ENPP3: variants seen among roughly 807,000 people sequenced by gnomAD.
ENPP3 encodes ectonucleotide pyrophosphatase/phosphodiesterase family member 3.
In ENPP3, 104 loss-of-function variants were observed where a neutral mutation model predicts 117.8. The ratio of observed to expected loss-of-function variants is 0.88; its 90% CI spans 0.75 to 1.04. The LOEUF is 1.04. Among genes scored for constraint, ENPP3 ranks in the 50% least tolerant of loss-of-function variants. The pLI is 0.00. For synonymous variants in ENPP3, 380 were observed against 349.9 expected (o/e 1.09, Z -0.96); for missense variants, 1,026 against 1,051.9 (o/e 0.98, Z 0.34).
chr6:131,644,044 G>A (rs1410832194), intron 2 of ENPP3, among the ~76,000 whole-genome samples: 1 of 151,870 alleles, frequency 6.6e-6, no homozygotes, highest in African/African-American at 2.4e-5. Flanking sequence ...AACATTCCAG[G>A]TCAGAAGGAC....
chr6:131,722,525 T>TCC, intron 18 of ENPP3, 120 bp downstream of exon 18: 1 of 737,310 alleles, frequency 1.4e-6, no homozygotes, highest in South Asian at 1.8e-5. Flanking sequence ...ATTTACTTAG[T>TCC]AAATATATGT....
chr6:131,678,919 T>TTCTTTCTC (rs1778935167), intron 11 of ENPP3, among the ~76,000 whole-genome samples: 1 of 62,232 alleles, frequency 1.6e-5, no homozygotes, highest in Non-Finnish European at 2.7e-5. Context: ...CTTTCTTTCT[T>TTCTTTCTC]TCTTTCTTTC....
At chr6:131,679,816 C>A (rs540959911) in intron 11 of ENPP3, among the ~76,000 whole-genome samples, 3 of 152,244 alleles carry the variant, frequency 2.0e-5, no homozygotes, top group Admixed American at 2.0e-4. Flanking sequence ...AAGTAGACAG[C>A]GTGATCATGG....
chr6:131,746,477 T>A (rs907642746), intron 24 of ENPP3, among the ~76,000 whole-genome samples: 2 of 152,170 alleles, frequency 1.3e-5, no homozygotes, highest in Non-Finnish European at 2.9e-5. Flanking sequence ...GATATAAAGA[T>A]GTTTAGTTCT....
chr6:131,703,532 T>C (rs1779583015), intron 15 of ENPP3, among the ~76,000 whole-genome samples: 1 of 136,644 alleles, frequency 7.3e-6, no homozygotes, highest in African/African-American at 3.2e-5. Context: ...AATGTACTTT[T>C]GCATGATATT....
intron 14 of ENPP3, among the ~76,000 whole-genome samples, chr6:131,688,472 CAGTT>C (rs1431721969): frequency 4.6e-5 from 7 of 152,194 alleles, no homozygotes; most frequent in Non-Finnish European, 8.8e-5. Flanking sequence ...TTGCATCAAA[CAGTT>C]AGCCAAATTG....
chr6:131,675,677 T>C (rs1382425287), intron 9 of ENPP3, among the ~76,000 whole-genome samples: 1 of 151,626 alleles, frequency 6.6e-6, no homozygotes. Context: ...GAAGAAAAAA[T>C]ACAAAAATTA....
intron 14 of ENPP3, among the ~76,000 whole-genome samples, chr6:131,690,985 A>C (rs2114443302): frequency 6.6e-6 from 1 of 152,206 alleles, no homozygotes; most frequent in Middle Eastern, 3.4e-3. Flanking sequence ...TTGGTGAAGA[A>C]GGGCAAATCT....
At chr6:131,713,779 T>A (rs1011149570) in intron 15 of ENPP3, among the ~76,000 whole-genome samples, 39 of 152,258 alleles carry the variant, frequency 2.6e-4, no homozygotes, top group South Asian at 8.3e-4. Flanking sequence ...ATGCTTTTTT[T>A]AAAAAAATAT....
At chr6:131,738,591 G>T (rs1303188273) in intron 23 of ENPP3, among the ~76,000 whole-genome samples, 1 of 151,932 alleles carries the variant, frequency 6.6e-6, no homozygotes. Flanking sequence ...TACAAGAATA[G>T]TGAACAGTTC....
chr6:131,683,895 C>T (rs780741976), intron 12 of ENPP3, among the ~76,000 whole-genome samples: 39 of 152,006 alleles, frequency 2.6e-4, no homozygotes, highest in Middle Eastern at 3.4e-3. Context: ...GGGTTACAGG[C>T]GCCCACCACC....
chr6:131,677,859 T>G lies in ENPP3; in HGVS notation c.939-9T>G, dbSNP rs760756680. ...TGATAATATATTTCTGTTTCAATTT[T>G]ACCCCTAGACCCAGGTTTTATACCA... On this transcript the variant is annotated splice_polypyrimidine_tract_variant and intron_variant, in intron 10 of 24. Coordinates refer to ENST00000357639, the MANE Select transcript of ENPP3 (RefSeq NM_005021.5). 5.1e-6 allele frequency: 8 copies of G among 1,576,080 alleles called. No individual in the cohort carries two copies. The South Asian group carries it at 8.9e-5, about 18-fold the overall frequency.
intron 5 of ENPP3, among the ~76,000 whole-genome samples, chr6:131,657,786 A>G (rs1040504067): frequency 2.0e-5 from 3 of 152,170 alleles, no homozygotes; most frequent in African/African-American, 7.2e-5. Context: ...CTGTTTCTTC[A>G]TCTGGGTGAT....
chr6:131,737,429 AG>A lies in ENPP3; in HGVS notation c.2165del (p.Arg722LysfsTer13), dbSNP rs762459710. On this transcript the variant is annotated frameshift_variant and splice_region_variant, in exon 22 of 25. Transcript: ENST00000357639. LOFTEE classifies it high-confidence loss of function. The stretch of plus-strand genomic sequence containing the variant: ...TTTGGTACCTATGTATGAAGAATTC[AG>A]AAGTAAGTATGAATTTAGAGTATTA... ...SNLVPMYEEF[R>X]KMWDYFHSVL... The A allele has an allele frequency of 1.3e-6, 2 of 1,524,346 alleles. No individual in the cohort carries two copies. The highest frequency in any genetic ancestry group is 1.8e-6 in the Non-Finnish European group (2 of 1,100,850). 94.4% of individuals were successfully genotyped at this position (1,524,346 alleles called of 1,614,324 possible). A position where few individuals can be genotyped will look rare whatever the true frequency, so the allele number is the denominator to read the frequency against.
At chr6:131,679,854 A>T (rs1286535982) in intron 11 of ENPP3, among the ~76,000 whole-genome samples, 1 of 152,132 alleles carries the variant, frequency 6.6e-6, no homozygotes, top group Non-Finnish European at 1.5e-5. Context: ...GCTCACCCTT[A>T]TTTGTGTTCT....
intron 15 of ENPP3, among the ~76,000 whole-genome samples, chr6:131,716,145 G>A (rs1779883606): frequency 6.6e-6 from 1 of 152,196 alleles, no homozygotes; most frequent in Admixed American, 6.5e-5. Context: ...TAGACATGGG[G>A]AAGATAATGG....
At chr6:131,737,900 A>T (rs193093070) in intron 22 of ENPP3, 131 bp from the exon 23 acceptor site, 16 of 616,458 alleles carry the variant, frequency 2.6e-5, no homozygotes, top group African/African-American at 2.1e-4. Flanking sequence ...TATTCTGGAG[A>T]ATTACCCAAT....
intron 15 of ENPP3, chr6:131,711,062 A>G: frequency 6.3e-7 from 1 of 1,578,518 alleles, no homozygotes; most frequent in Non-Finnish European, 8.5e-7. Flanking sequence ...CACTGGCCAC[A>G]ACAAGCGGTG....
intron 10 of ENPP3, among the ~76,000 whole-genome samples, chr6:131,677,412 G>A (rs1167137853): frequency 6.6e-6 from 1 of 152,166 alleles, no homozygotes; most frequent in East Asian, 1.9e-4. Context: ...TCAGTTATAA[G>A]GATAGACTCC....
Sources: allele counts gnomAD v4.1 joint callset (sites outside exome capture counted in the v4.1 genomes callset), GRCh38; gene constraint gnomAD v4.1.1; transcripts MANE v1.5; gene names NCBI Gene and HGNC (gene_info 2026-07-23, HGNC 2026-07-21).